Variants in WDR70 observed in about 807,000 individuals in gnomAD.
The protein encoded by WDR70 is WD repeat-containing protein 70.
Under a neutral mutation model 88.6 loss-of-function variants are expected in WDR70, and 53 were observed. The ratio of observed to expected loss-of-function variants is 0.60; its 90% CI spans 0.48 to 0.75. The LOEUF (loss-of-function observed/expected upper bound fraction) is 0.75, where lower values mean the gene tolerates loss of function less well. Among genes scored for constraint, WDR70 ranks in the 30% least tolerant of loss-of-function variants. WDR70 has a pLI of 0.00. For missense variants in WDR70, 610 were observed against 823.2 expected (o/e 0.74, Z 3.17); for synonymous variants, 280 against 270.0 (o/e 1.04, Z -0.36).
chr5:37,475,203 AGCC>A (rs879481809), intron 7 of WDR70, among the ~76,000 whole-genome samples: 128,957 of 150,786 alleles, frequency 0.86, 58,677 homozygotes, highest in East Asian at 1. Flanking sequence ...TATAGGTGTG[AGCC>A]ACGGTACCCA....
At chr5:37,522,666 C>G (rs943885274) in intron 9 of WDR70, among the ~76,000 whole-genome samples, 1 of 152,178 alleles carries the variant, frequency 6.6e-6, no homozygotes, top group Non-Finnish European at 1.5e-5. Context: ...TGAACGTGAG[C>G]CAAAGCAGGG....
intron 5 of WDR70, among the ~76,000 whole-genome samples, chr5:37,410,342 G>A (rs1329010276): frequency 6.6e-6 from 1 of 151,762 alleles, no homozygotes; most frequent in African/African-American, 2.4e-5. Context: ...CCTGGCCTGA[G>A]TCTGCTAGTT....
intron 10 of WDR70, among the ~76,000 whole-genome samples, chr5:37,647,953 G>A (rs1007952630): frequency 6.6e-6 from 1 of 152,114 alleles, no homozygotes; most frequent in African/African-American, 2.4e-5. Flanking sequence ...ATGAGAAATC[G>A]CTATCATGAG....
intron 9 of WDR70, among the ~76,000 whole-genome samples, chr5:37,532,932 A>T (rs561363126): frequency 1.4e-4 from 22 of 152,166 alleles, no homozygotes; most frequent in African/African-American, 5.1e-4. Flanking sequence ...GGCTGTTCAG[A>T]TTCTTCTGTC....
intron 9 of WDR70, among the ~76,000 whole-genome samples, chr5:37,577,416 A>C (rs1561909027): frequency 6.6e-6 from 1 of 152,130 alleles, no homozygotes. Context: ...TAGGAGTTCG[A>C]GGTTGTAGTG....
intron 5 of WDR70, among the ~76,000 whole-genome samples, chr5:37,412,886 G>A (rs561039785): frequency 1.3e-5 from 2 of 152,118 alleles, no homozygotes; most frequent in African/African-American, 4.8e-5. Flanking sequence ...ATGTAAACAC[G>A]CAACATAGGA....
At chr5:37,676,380 A>T (rs533116694) in intron 10 of WDR70, among the ~76,000 whole-genome samples, 1 of 152,236 alleles carries the variant, frequency 6.6e-6, no homozygotes. Flanking sequence ...TTTGTCATAG[A>T]TAGCTCTTAT....
intron 17 of WDR70, among the ~76,000 whole-genome samples, chr5:37,735,477 A>C (rs1377507099): frequency 6.6e-6 from 1 of 152,152 alleles, no homozygotes; most frequent in East Asian, 1.9e-4. Flanking sequence ...CCCTAACCTA[A>C]TGAGCTTTGC....
At chr5:37,472,940 C>A (rs1739370989) in intron 7 of WDR70, among the ~76,000 whole-genome samples, 1 of 152,010 alleles carries the variant, frequency 6.6e-6, no homozygotes, top group African/African-American at 2.4e-5. Context: ...TACATGTTTA[C>A]CTTTATATGA....
rs28593215 is a variant in WDR70, at chr5:37,472,945, A to G, written c.687-6889A>G. Among the ~76,000 whole-genome samples the G allele has an allele frequency of 8.6e-3, 1,308 of 152,146 alleles. 39 individuals are homozygous for G. Among genetic ancestry groups the G allele is most frequent in the African/African-American group, 0.03 (1,234 of 41,402 alleles). Reference sequence around the variant, plus strand: ...GTAGGATAGGTACATGTTTACCTTTATATGAAACTGCCAAACAGTTCTCCA... The same window carrying G: ...GTAGGATAGGTACATGTTTACCTTTGTATGAAACTGCCAAACAGTTCTCCA... On this transcript the variant is annotated intron_variant, in intron 7 of 17. Coordinates refer to ENST00000265107, the MANE Select transcript of WDR70 (RefSeq NM_018034.4).
At chr5:37,681,369 T>C (rs1274802870) in intron 10 of WDR70, among the ~76,000 whole-genome samples, 2 of 152,176 alleles carry the variant, frequency 1.3e-5, no homozygotes, top group Non-Finnish European at 2.9e-5. Context: ...TCATGTTGTC[T>C]GCAAACAGGG....
At chr5:37,692,092 A>G (rs149371153) in intron 10 of WDR70, among the ~76,000 whole-genome samples, 2,103 of 152,344 alleles carry the variant, frequency 0.014, 45 homozygotes, top group African/African-American at 0.047. Flanking sequence ...GCACAAATAA[A>G]ATAGAAAATC....
At chr5:37,734,511 T>G (rs1025419803) in intron 17 of WDR70, among the ~76,000 whole-genome samples, 12 of 151,976 alleles carry the variant, frequency 7.9e-5, no homozygotes, top group African/African-American at 2.9e-4. Context: ...AGACAGACAC[T>G]AAATAAATAT....
chr5:37,562,884 TCTTTTCCCCAC>T lies in WDR70; in HGVS notation c.918-42175_918-42165del, dbSNP rs1044142047. Among the ~76,000 whole-genome samples, 121 of 151,812 alleles carry T rather than the reference TCTTTTCCCCAC, an allele frequency of 8.0e-4. 1 individual carries two copies. Among genetic ancestry groups the T allele is most frequent in the South Asian group, 6.5e-3 (31 of 4,782 alleles). ...ACATGGCAACCATTCGATTTCTCAA[TCTTTTCCCCAC>T]CTTTCCCCCCTTTCTATTCCACAAA... On this transcript the variant is annotated intron_variant, in intron 9 of 17. Coordinates refer to ENST00000265107, the MANE Select transcript of WDR70 (RefSeq NM_018034.4).
chr5:37,449,611 TAAA>T lies in WDR70; in HGVS notation c.686+6243_686+6245del, dbSNP rs57161626. ...GTCTCAAAAAAAAAAAAATAAAAAA[TAAA>T]AAATAAATAAATAAATAAATAAAAT... On this transcript the variant is annotated intron_variant, in intron 7 of 17. Coordinates refer to ENST00000265107, the MANE Select transcript of WDR70 (RefSeq NM_018034.4). 4.9e-3 allele frequency among the ~76,000 whole-genome samples: 267 copies of T among 54,030 alleles called. 5 individuals carry two copies. The highest frequency in any genetic ancestry group is 0.011 in the Middle Eastern group (1 of 88). 35.4% of individuals were successfully genotyped at this position (54,030 alleles called of 152,430 possible).
Position 37,479,867 on chromosome 5 carries a change from A to C in WDR70, c.720A>C (p.Thr240=), listed in dbSNP as rs61742643. The change falls in exon 8 of 18, where the codon ACA becomes ACC. Residue 240 remains threonine, a synonymous_variant. Coordinates refer to ENST00000265107, the MANE Select transcript of WDR70 (RefSeq NM_018034.4). ...TCAAGTCATTACAGTATAGTAACAC[A>C]GGAGACATGATTCTTGTTGTATCTG... The part of the protein sequence containing the change: ...HQIKSLQYSN[T]GDMILVVSGS... The C allele has an allele frequency of 3.0e-3, 4,810 of 1,614,112 alleles. 106 individuals are homozygous for C. In the African/African-American group the frequency reaches 0.055, roughly 18 times the overall value.
chr5:37,604,429 T>G (rs574983882), intron 9 of WDR70, among the ~76,000 whole-genome samples: 1 of 152,166 alleles, frequency 6.6e-6, no homozygotes. Flanking sequence ...CTGGGTCTTG[T>G]GGTGTTTGTT....
intron 10 of WDR70, among the ~76,000 whole-genome samples, chr5:37,666,039 G>A (rs1745832402): frequency 6.6e-6 from 1 of 152,158 alleles, no homozygotes; most frequent in Non-Finnish European, 1.5e-5. Flanking sequence ...CCAGGCTGAG[G>A]GAAGGAAGCA....
chr5:37,479,747 C>T (rs1198486636), intron 7 of WDR70, 87 bp from the exon 8 acceptor site: 1 of 1,391,084 alleles, frequency 7.2e-7, no homozygotes, highest in African/African-American at 1.4e-5. Flanking sequence ...ATTTGTGTAA[C>T]ATTTTTTTTT....
Sources: gnomAD v4.1 joint callset for allele counts (sites outside exome capture counted in the v4.1 genomes callset) on GRCh38, gnomAD v4.1.1 for gene constraint, MANE v1.5 for transcripts, NCBI Gene and HGNC (gene_info 2026-07-23, HGNC 2026-07-21) for gene names.